PAX2: variants seen among roughly 807,000 people sequenced by gnomAD.
PAX2 encodes the protein paired box protein Pax-2.
Under a neutral mutation model 41.7 loss-of-function variants are expected in PAX2, and 9 were observed. That is an observed-to-expected ratio of 0.22 (90% confidence interval 0.13 to 0.38). The LOEUF (loss-of-function observed/expected upper bound fraction) is 0.38, where lower values mean the gene tolerates loss of function less well. Among genes scored for constraint, PAX2 ranks in the 10% least tolerant of loss-of-function variants. The pLI is 1.00. For missense variants in PAX2, 418 were observed against 531.6 expected (o/e 0.79, Z 2.10); for synonymous variants, 221 against 212.7 (o/e 1.04, Z -0.34).
At chr10:100,797,834 T>C (rs1167852282) in intron 5 of PAX2, among the ~76,000 whole-genome samples, 1 of 152,188 alleles carries the variant, frequency 6.6e-6, no homozygotes, top group Non-Finnish European at 1.5e-5. Flanking sequence ...ATCCAGGAGA[T>C]GTTACTTCTG....
rs1848486568 is a variant in PAX2, at chr10:100,824,621, C to T, written c.920-27C>T. ...AGGCAGGCCCCTTTCTTCCAGGCCTCACCCCTTCCCCTTTGTGTTTTTCCA... is the reference window on the plus strand; with the variant it reads ...AGGCAGGCCCCTTTCTTCCAGGCCTTACCCCTTCCCCTTTGTGTTTTTCCA... On this transcript the variant is annotated intron_variant, in intron 7 of 9. Transcript: ENST00000355243. The surrounding 1 kb of genome is among the most constrained non-coding windows in gnomAD (Gnocchi z 6.6). 6.8e-7 allele frequency: 1 copy of T among 1,479,864 alleles called. No homozygotes were observed. The highest frequency in any genetic ancestry group is 1.7e-5 in the Admixed American group (1 of 59,838). 91.7% of individuals were successfully genotyped at this position (1,479,864 alleles called of 1,614,324 possible). A position where few individuals can be genotyped will look rare whatever the true frequency, so the allele number is the denominator to read the frequency against.
At chr10:100,812,565 C>T (rs1848031030) in intron 7 of PAX2, among the ~76,000 whole-genome samples, 1 of 152,192 alleles carries the variant, frequency 6.6e-6, no homozygotes, top group Admixed American at 6.5e-5. Context: ...CCCTCCGGGT[C>T]AGGGCATCTG....
At position 100,805,034 on chromosome 10, in the gene PAX2, A is replaced by T. The variant is rs1364496078; in HGVS notation, c.617-1396A>T. On this transcript the variant is annotated intron_variant, in intron 5 of 9. Coordinates refer to ENST00000355243, the MANE Select transcript of PAX2 (RefSeq NM_000278.5). ...CTCTCTCTCTCACATACACACACAC[A>T]CACACACACACACACACACACACAC... is the stretch of plus-strand genomic sequence containing the variant. 3.9e-3 allele frequency among the ~76,000 whole-genome samples: 285 copies of T among 73,918 alleles called. 3 individuals are homozygous for T. Among genetic ancestry groups the T allele is most frequent in the African/African-American group, 0.015 (271 of 18,508 alleles). 48.5% of individuals were successfully genotyped at this position (73,918 alleles called of 152,430 possible).
rs200803126 is a variant in PAX2, at chr10:100,750,846, G to A, written c.365G>A (p.Gly122Asp). 1 of 1,614,156 alleles carries A rather than the reference G, an allele frequency of 6.2e-7. No individual in the cohort carries two copies. Among genetic ancestry groups the A allele is most frequent in the East Asian group, 2.2e-5 (1 of 44,882 alleles). The change falls in exon 3 of 10, where the codon GGC becomes GAC. Residue 122 changes from glycine (G) to aspartate (D), a missense_variant. By Grantham distance (94) the Gly-to-Asp change is moderately conservative. Transcript: ENST00000355243. The surrounding 1 kb of genome is among the most constrained non-coding windows in gnomAD (Gnocchi z 4.1). ...WEIRDRLLAE[G>D]ICDNDTVPSV... ...ATTCGAGACCGGCTCCTGGCCGAGG[G>A]CATCTGTGACAATGACACAGTGCCC...
chr10:100,808,486 G>A (rs1182235628), intron 6 of PAX2, among the ~76,000 whole-genome samples: 1 of 152,158 alleles, frequency 6.6e-6, no homozygotes, highest in Non-Finnish European at 1.5e-5. Context: ...GGCCGTGGCT[G>A]CAATAAAAAG....
intron 5 of PAX2, among the ~76,000 whole-genome samples, chr10:100,785,444 T>C (rs1307621696): frequency 1.3e-5 from 2 of 152,196 alleles, no homozygotes; most frequent in Non-Finnish European, 2.9e-5. Context: ...ATTCATTAGG[T>C]GTACAATGAA....
In PAX2 at chr10:100,829,881, T is replaced by C. The variant is rs1848728658; in HGVS notation, c.*2262T>C. 1 of 184,118 alleles carries C rather than the reference T, an allele frequency of 5.4e-6. No individual in the cohort carries two copies. The highest frequency in any genetic ancestry group is 6.2e-5 in the Admixed American group (1 of 16,092). The allele number at this position is 184,118 out of a possible 1,614,324, so 11.4% of individuals were successfully genotyped here. A position where few individuals can be genotyped will look rare whatever the true frequency, so the allele number is the denominator to read the frequency against. On this transcript the variant is annotated 3_prime_UTR_variant, in exon 10 of 10. Coordinates refer to ENST00000355243, the MANE Select transcript of PAX2 (RefSeq NM_000278.5). Reference sequence around the variant, plus strand: ...TGCGTCGGTTCGTTTTGATTCTTTTTCTTTTGTGCACATAAGAAATAAATA... The same window carrying C: ...TGCGTCGGTTCGTTTTGATTCTTTTCCTTTTGTGCACATAAGAAATAAATA...
chr10:100,745,818 G>A lies in PAX2; in HGVS notation c.-443G>A, dbSNP rs1845140851. 2 of 1,093,922 alleles carry A rather than the reference G, an allele frequency of 1.8e-6. No homozygotes were observed. Among genetic ancestry groups the A allele is most frequent in the Non-Finnish European group, 2.2e-6 (2 of 899,318 alleles). The allele number at this position is 1,093,922 out of a possible 1,614,324, so 67.8% of individuals were successfully genotyped here. On this transcript the variant is annotated 5_prime_UTR_variant, in exon 1 of 10. Coordinates refer to ENST00000355243, the MANE Select transcript of PAX2 (RefSeq NM_000278.5). The stretch of plus-strand genomic sequence containing the variant: ...AACTCGCCAGCACTTGGAGAGGCCC[G>A]GCTCCCCTCCCGGCGCCCTCTGACC...
chr10:100,778,279 C>T (rs1664789637), intron 3 of PAX2, among the ~76,000 whole-genome samples: 1 of 152,336 alleles, frequency 6.6e-6, no homozygotes, highest in African/African-American at 2.4e-5. Context: ...AGATCTACAT[C>T]AATTTCCCTC....
At chr10:100,749,400 G>T (rs961477423) in intron 1 of PAX2, 1 of 1,112,312 alleles carries the variant, frequency 9.0e-7, no homozygotes. Flanking sequence ...TCCTCTCCTC[G>T]CTTTCTTACG....
chr10:100,798,101 C>CTT, intron 5 of PAX2, among the ~76,000 whole-genome samples: 1 of 136,878 alleles, frequency 7.3e-6, no homozygotes, highest in African/African-American at 2.7e-5. Flanking sequence ...TTCATGTCCA[C>CTT]CTCTTTTTTT....
At chr10:100,823,097 T>G (rs79771701) in intron 7 of PAX2, among the ~76,000 whole-genome samples, 1 of 152,110 alleles carries the variant, frequency 6.6e-6, no homozygotes, top group Admixed American at 6.5e-5. Context: ...ATTGAGCAGA[T>G]GTAACAGACA....
Position 100,827,052 on chromosome 10 carries a change from G to T in PAX2, c.1065G>T (p.Thr355=). The T allele has an allele frequency of 6.2e-7, 1 of 1,613,644 alleles. No individual in the cohort carries two copies. The change falls in exon 9 of 10, where the codon ACG becomes ACT. Residue 355 remains threonine (T), a synonymous_variant. Coordinates refer to ENST00000355243, the MANE Select transcript of PAX2 (RefSeq NM_000278.5). This position sits in a 1 kb window ranked among gnomAD's most constrained non-coding sequence, Gnocchi z 8.5. ...ACCCGTACAGCCACCCCCAGTACAC[G>T]GCCTACAACGAGGCTTGGAGATTCA... ...SGNPYSHPQY[T]AYNEAWRFSN...
At chr10:100,775,996 G>A (rs1846373265) in intron 3 of PAX2, among the ~76,000 whole-genome samples, 1 of 152,098 alleles carries the variant, frequency 6.6e-6, no homozygotes. Flanking sequence ...ACACCTCCCT[G>A]GAGTCTGCAC....
intron 1 of PAX2, 127 bp downstream of exon 1, chr10:100,746,430 T>G (rs1845178405): frequency 1.3e-6 from 1 of 763,330 alleles, no homozygotes; most frequent in Non-Finnish European, 2.4e-6. Flanking sequence ...TTCTGGTCCC[T>G]CTTTTCGTTC....
In PAX2 at chr10:100,809,255, G is replaced by A. The variant is rs1051783292; in HGVS notation, c.919+19G>A. 10 of 1,611,426 alleles carry A rather than the reference G, an allele frequency of 6.2e-6. No homozygotes were observed. The highest frequency in any genetic ancestry group is 8.5e-6 in the Non-Finnish European group (10 of 1,178,914). The stretch of plus-strand genomic sequence containing the variant: ...GTGACTGGTAAGGGGGCTTCCAGGA[G>A]GGTGGGGGCACTGCGTTCAGTGGAG... On this transcript the variant is annotated intron_variant, in intron 7 of 9. Coordinates refer to ENST00000355243, the MANE Select transcript of PAX2 (RefSeq NM_000278.5).
At chr10:100,811,366 T>A (rs1338197887) in intron 7 of PAX2, among the ~76,000 whole-genome samples, 2 of 152,262 alleles carry the variant, frequency 1.3e-5, no homozygotes, top group Non-Finnish European at 2.9e-5. Flanking sequence ...GTGTTTATTA[T>A]GGGGACAAAC....
At chr10:100,745,446 C>A (rs1399912286), upstream of PAX2, among the ~76,000 whole-genome samples, 1 of 152,028 alleles carries the variant, frequency 6.6e-6, no homozygotes, top group Non-Finnish European at 1.5e-5. Context: ...GGGGCTCCAG[C>A]GCTGGCGAAT....
At chr10:100,777,007 G>A (rs931218926) in intron 3 of PAX2, among the ~76,000 whole-genome samples, 1 of 151,936 alleles carries the variant, frequency 6.6e-6, no homozygotes. Context: ...CTCTAAACCT[G>A]GTTCCTACAT....
Sources: gnomAD v4.1 joint callset for allele counts (sites outside exome capture counted in the v4.1 genomes callset) on GRCh38, gnomAD v4.1.1 for gene constraint, Gnocchi (gnomAD v3.1) non-coding constraint, MANE v1.5 for transcripts, NCBI Gene and HGNC (gene_info 2026-07-23, HGNC 2026-07-21) for gene names.